ZBTB46: variants seen among roughly 807,000 people sequenced by gnomAD.
ZBTB46 encodes zinc finger and BTB domain-containing protein 46.
Under a neutral mutation model 44.1 loss-of-function variants are expected in ZBTB46, and 8 were observed. That is an observed-to-expected ratio of 0.18 (90% CI 0.11 to 0.33). The LOEUF (loss-of-function observed/expected upper bound fraction) is 0.33, where lower values mean the gene tolerates loss of function less well. Among genes scored for constraint, ZBTB46 ranks in the 10% least tolerant of loss-of-function variants. The probability of loss-of-function intolerance (pLI) is 1.00; values close to 1 mark genes in which losing one functional copy is unlikely to be tolerated. For missense variants in ZBTB46, 651 were observed against 847.7 expected (o/e 0.77, Z 2.88); for synonymous variants, 409 against 382.3 (o/e 1.07, Z -0.81).
In ZBTB46 at chr20:63,803,491, G is replaced by C. The variant is rs1248802987; in HGVS notation, c.-33-12701C>G. 5 of 985,212 alleles carry C rather than the reference G, an allele frequency of 5.1e-6. No individual in the cohort carries two copies. The highest frequency in any genetic ancestry group is 6.0e-6 in the Non-Finnish European group (5 of 829,930). 61.0% of individuals were successfully genotyped at this position (985,212 alleles called of 1,614,324 possible). ...GTGGGTGCTGGCGATGAGGACTTTA[G>C]GTTTTCCACATGGCAGCCCCCATGT... On this transcript the variant is annotated intron_variant, in intron 1 of 4. Coordinates refer to ENST00000245663, the MANE Select transcript of ZBTB46 (RefSeq NM_001369741.1). The surrounding 1 kb of genome is among the most constrained non-coding windows in gnomAD (Gnocchi z 4.0).
intron 1 of ZBTB46, among the ~76,000 whole-genome samples, chr20:63,800,558 T>C (rs771179886): frequency 2.6e-5 from 4 of 152,232 alleles, no homozygotes; most frequent in Middle Eastern, 6.8e-3. Flanking sequence ...CGGGGAGGTG[T>C]GGAGGGAGAG....
chr20:63,792,443 G>A (rs2092569076), intron 1 of ZBTB46, among the ~76,000 whole-genome samples: 1 of 151,930 alleles, frequency 6.6e-6, no homozygotes, highest in African/African-American at 2.4e-5. Flanking sequence ...GGGCTCAGCA[G>A]TTTTGTATCA....
At chr20:63,770,716 G>A (rs565487744) in intron 3 of ZBTB46, among the ~76,000 whole-genome samples, 1 of 152,248 alleles carries the variant, frequency 6.6e-6, no homozygotes, top group South Asian at 2.1e-4. Context: ...GTTGAACCAC[G>A]GCGCATTCAT....
In ZBTB46 at chr20:63,746,788, T is replaced by C; in HGVS notation, c.*142A>G. ...ACCTGCTTAGCCCGCAGGGCTGGTT[T>C]CCGTGGGGGGTGGGTTCAGGGGGAA... On this transcript the variant is annotated 3_prime_UTR_variant, in exon 5 of 5. Coordinates refer to ENST00000245663, the MANE Select transcript of ZBTB46 (RefSeq NM_001369741.1). The C allele has an allele frequency of 7.6e-7, 1 of 1,320,154 alleles. No individual in the cohort carries two copies. The highest frequency in any genetic ancestry group is 9.9e-7 in the Non-Finnish European group (1 of 1,010,104). The allele number at this position is 1,320,154 out of a possible 1,614,324, so 81.8% of individuals were successfully genotyped here.
intron 3 of ZBTB46, among the ~76,000 whole-genome samples, chr20:63,771,407 G>A (rs906023414): frequency 3.9e-5 from 6 of 152,178 alleles, no homozygotes; most frequent in Admixed American, 6.5e-5. Flanking sequence ...AGAGAGGGGG[G>A]CCACGCGGTC....
intron 3 of ZBTB46, among the ~76,000 whole-genome samples, chr20:63,765,040 C>CGTGTGTGT (rs1491043508): frequency 4.2e-5 from 2 of 47,526 alleles, no homozygotes; most frequent in Non-Finnish European, 9.2e-5. Context: ...TGTGTGTGTG[C>CGTGTGTGT]GTGCGTGTGT....
rs1568902686 is a variant in ZBTB46 at position 63,816,081 on chromosome 20, GGTGGGCA to G, written c.-34+15009_-34+15015del. Among the ~76,000 whole-genome samples the G allele has an allele frequency of 7.0e-3, 820 of 117,648 alleles. 7 individuals carry two copies. The highest frequency in any genetic ancestry group is 0.027 in the Middle Eastern group (6 of 222). 77.2% of individuals were successfully genotyped at this position (117,648 alleles called of 152,430 possible). A position where few individuals can be genotyped will look rare whatever the true frequency, so the allele number is the denominator to read the frequency against. ...GGTGGGCGCAGGTGCAGTGGGCACA[GGTGGGCA>G]CAGGTGCAGTGGGCGCAGGTGCAGT... On this transcript the variant is annotated intron_variant, in intron 1 of 4. Coordinates refer to ENST00000245663, the MANE Select transcript of ZBTB46 (RefSeq NM_001369741.1).
chr20:63,809,849 G>A (rs900804345), intron 1 of ZBTB46, among the ~76,000 whole-genome samples: 2 of 151,964 alleles, frequency 1.3e-5, no homozygotes, highest in Admixed American at 6.6e-5. Flanking sequence ...TGTAGTCCCC[G>A]CGACTCTGGA....
chr20:63,813,425 G>C (rs2092729152), intron 1 of ZBTB46, among the ~76,000 whole-genome samples: 1 of 151,298 alleles, frequency 6.6e-6, no homozygotes, highest in African/African-American at 2.4e-5. Flanking sequence ...CTCCAGCCTG[G>C]AGACAGAGCA....
chr20:63,755,226 G>A (rs999439897), intron 3 of ZBTB46, among the ~76,000 whole-genome samples: 1 of 152,208 alleles, frequency 6.6e-6, no homozygotes, highest in African/African-American at 2.4e-5. Context: ...CTGTTTTCCG[G>A]TCACTACCAT....
upstream of ZBTB46, among the ~76,000 whole-genome samples, chr20:63,831,787 G>A (rs1284897863): frequency 6.7e-6 from 1 of 150,222 alleles, no homozygotes; most frequent in Non-Finnish European, 1.5e-5. Flanking sequence ...GGCCGTCCCC[G>A]CGCCTGACGC....
intron 2 of ZBTB46, among the ~76,000 whole-genome samples, chr20:63,779,406 A>ATTTTTTT (rs59166121): frequency 4.7e-5 from 5 of 105,578 alleles, no homozygotes; most frequent in Admixed American, 1.0e-4. Flanking sequence ...ACGCCGGCTA[A>ATTTTTTT]TTTTTTTTTT....
chr20:63,752,598 G>T lies in ZBTB46; in HGVS notation c.1398+88C>A. On this transcript the variant is annotated intron_variant, in intron 4 of 4. Coordinates refer to ENST00000245663, the MANE Select transcript of ZBTB46 (RefSeq NM_001369741.1). This position sits in a 1 kb window ranked among gnomAD's most constrained non-coding sequence, Gnocchi z 5.6. ...GCAGAGTGGACCCGGTGTGGGGTCC[G>T]GGGCGGTCTGCGCCCTCATCAGGAC... 1 of 1,395,686 alleles carries T rather than the reference G, an allele frequency of 7.2e-7. No homozygotes were observed. The highest frequency in any genetic ancestry group is 1.5e-5 in the South Asian group (1 of 65,528). 86.5% of individuals were successfully genotyped at this position (1,395,686 alleles called of 1,614,324 possible). A position where few individuals can be genotyped will look rare whatever the true frequency, so the allele number is the denominator to read the frequency against.
chr20:63,779,796 G>A (rs2092454725), intron 2 of ZBTB46, among the ~76,000 whole-genome samples: 1 of 151,842 alleles, frequency 6.6e-6, no homozygotes, highest in African/African-American at 2.4e-5. Flanking sequence ...CCAACCTCAG[G>A]TGATCTGCCC....
intron 3 of ZBTB46, among the ~76,000 whole-genome samples, chr20:63,769,865 A>G (rs1198010725): frequency 2.0e-5 from 3 of 152,154 alleles, no homozygotes; most frequent in Non-Finnish European, 4.4e-5. Flanking sequence ...AACCAAAACA[A>G]AGACAAGCTG....
intron 3 of ZBTB46, among the ~76,000 whole-genome samples, chr20:63,770,624 C>A (rs2092361076): frequency 2.0e-5 from 3 of 152,220 alleles, no homozygotes; most frequent in Admixed American, 2.0e-4. Flanking sequence ...CTGCTGCCTG[C>A]ATATTTAATG....
intron 3 of ZBTB46, among the ~76,000 whole-genome samples, chr20:63,754,215 C>T (rs1008828295): frequency 6.6e-6 from 1 of 152,218 alleles, no homozygotes; most frequent in African/African-American, 2.4e-5. Context: ...TGGCTCCTGA[C>T]GAGGAAATCC....
At chr20:63,780,816 C>T (rs904289866) in intron 2 of ZBTB46, among the ~76,000 whole-genome samples, 8 of 149,664 alleles carry the variant, frequency 5.3e-5, no homozygotes, top group Admixed American at 4.7e-4. Flanking sequence ...AAAAAGGATC[C>T]TCCTGAAGAG....
At chr20:63,760,315 C>T (rs1334552604) in intron 3 of ZBTB46, among the ~76,000 whole-genome samples, 1 of 152,212 alleles carries the variant, frequency 6.6e-6, no homozygotes, top group Non-Finnish European at 1.5e-5. Context: ...AACCATTGAG[C>T]TCTTCCTGTT....
Sources: allele counts gnomAD v4.1 joint callset (sites outside exome capture counted in the v4.1 genomes callset), GRCh38; gene constraint gnomAD v4.1.1; non-coding constraint Gnocchi (gnomAD v3.1); transcripts MANE v1.5; gene names NCBI Gene and HGNC (gene_info 2026-07-23, HGNC 2026-07-21).